RHOJ: variants seen among roughly 807,000 people sequenced by gnomAD.
RHOJ encodes ras homolog family member J, also known as rho-related GTP-binding protein RhoJ.
In RHOJ, 11 loss-of-function variants were observed where a neutral mutation model predicts 23.4. The ratio of observed to expected loss-of-function variants is 0.47; its 90% CI spans 0.30 to 0.78. The LOEUF (loss-of-function observed/expected upper bound fraction) is 0.78. Ranked by LOEUF, RHOJ falls within the 30% of genes least tolerant of loss-of-function variation. The pLI, the probability that RHOJ is intolerant of heterozygous loss-of-function variation, is 0.08. For missense variants in RHOJ, 254 were observed against 273.4 expected, an observed-to-expected ratio of 0.93 and a Z score of 0.50; for synonymous variants, 102 against 102.7, an observed-to-expected ratio of 0.99 and a Z score of 0.04.
At chr14:63,272,126 G>T (rs1358263433) in intron 2 of RHOJ, among the ~76,000 whole-genome samples, 1 of 152,300 alleles carries the variant, frequency 6.6e-6, no homozygotes, top group Non-Finnish European at 1.5e-5. Context: ...AAACGTTTCT[G>T]GTGGCTGAGG....
At position 63,291,373 on chromosome 14, in the gene RHOJ, C is replaced by T. The variant is rs1230120895; in HGVS notation, c.*349C>T. 2 of 305,562 alleles carry T rather than the reference C, an allele frequency of 6.5e-6. No individual in the cohort carries two copies. The highest frequency in any genetic ancestry group is 9.0e-5 in the East Asian group (1 of 11,136). The allele number at this position is 305,562 out of a possible 1,614,324, so 18.9% of individuals were successfully genotyped here. On this transcript the variant is annotated 3_prime_UTR_variant, in exon 5 of 5. Coordinates refer to ENST00000316754, the MANE Select transcript of RHOJ (RefSeq NM_020663.5). ...TGATAGGAAATCACCCCAGGGAACC[C>T]GAAAAAGAAACTTGATTCCTCTATT...
intron 4 of RHOJ, among the ~76,000 whole-genome samples, chr14:63,283,699 T>G (rs1320411804): frequency 1.3e-5 from 2 of 152,188 alleles, no homozygotes; most frequent in Non-Finnish European, 2.9e-5. Context: ...TTAGAGAGCC[T>G]GGATTGTGTC....
chr14:63,280,252 A>G (rs1881855061), intron 2 of RHOJ, among the ~76,000 whole-genome samples: 1 of 152,146 alleles, frequency 6.6e-6, no homozygotes, highest in Admixed American at 6.5e-5. Context: ...CTCAAGCTCA[A>G]GGAATCAGGT....
Position 63,291,118 on chromosome 14 carries a change from A to T in RHOJ, c.*94A>T, listed in dbSNP as rs1466992114. On this transcript the variant is annotated 3_prime_UTR_variant, in exon 5 of 5. Coordinates refer to ENST00000316754, the MANE Select transcript of RHOJ (RefSeq NM_020663.5). ...CAGCCAAAAAGGAGGGCACGACCAG[A>T]AAGGAACTCCCTTTGCACGGAGGCT... The T allele has an allele frequency of 7.0e-7, 1 of 1,426,886 alleles. No individual in the cohort carries two copies. The highest frequency in any genetic ancestry group is 9.8e-7 in the Non-Finnish European group (1 of 1,020,718). 88.4% of individuals were successfully genotyped at this position (1,426,886 alleles called of 1,614,324 possible).
At chr14:63,230,355 T>C (rs938393459) in intron 1 of RHOJ, among the ~76,000 whole-genome samples, 1 of 152,156 alleles carries the variant, frequency 6.6e-6, no homozygotes, top group Non-Finnish European at 1.5e-5. Flanking sequence ...CTTTGGTGTT[T>C]TCTAGTTTTT....
chr14:63,226,880 T>C (rs1304613791), intron 1 of RHOJ, among the ~76,000 whole-genome samples: 1 of 152,192 alleles, frequency 6.6e-6, no homozygotes, highest in Non-Finnish European at 1.5e-5. Flanking sequence ...TGTTATATAT[T>C]ACTAAGACCT....
rs1894068522 is a variant in RHOJ at position 63,204,743 on chromosome 14, A to G, written c.-127A>G. 1 of 895,638 alleles carries G rather than the reference A, an allele frequency of 1.1e-6. No individual in the cohort carries two copies. Among genetic ancestry groups the G allele is most frequent in the Admixed American group, 2.1e-5 (1 of 46,544 alleles). The allele number at this position is 895,638 out of a possible 1,614,324, so 55.5% of individuals were successfully genotyped here. ...TCCCAGCCTCGGACATGTCTGTATG[A>G]TCCAAGGTACCCAAAGTCAGACAGA... On this transcript the variant is annotated 5_prime_UTR_variant, in exon 1 of 5. The change abolishes the stop of an existing upstream ORF in the 5' untranslated region. Transcript: ENST00000316754.
intron 1 of RHOJ, among the ~76,000 whole-genome samples, chr14:63,255,036 C>A (rs927520448): frequency 3.9e-5 from 6 of 152,136 alleles, no homozygotes; most frequent in African/African-American, 1.4e-4. Context: ...AATGTTGAGG[C>A]CATGATCCCC....
chr14:63,210,409 T>C (rs745511615), intron 1 of RHOJ, among the ~76,000 whole-genome samples: 3 of 152,232 alleles, frequency 2.0e-5, no homozygotes, highest in Non-Finnish European at 4.4e-5. Context: ...ACTCCTCTAG[T>C]TCTAATATAC....
rs146484171 is a variant in RHOJ at position 63,290,875 on chromosome 14, A to G, written c.499-3A>G. 2.5e-6 allele frequency: 4 copies of G among 1,605,168 alleles called. No individual in the cohort carries two copies. The African/African-American group carries it at 5.4e-5, about 22-fold the overall frequency. On this transcript the variant is annotated splice_region_variant and splice_polypyrimidine_tract_variant and intron_variant, in intron 4 of 4. Coordinates refer to ENST00000316754, the MANE Select transcript of RHOJ (RefSeq NM_020663.5). Reference sequence around the variant, plus strand: ...TCATGCCTTTCTCTCTTTTGTGTTTAAGATCGGAGCACAGTGCTACTTGGA... The same window carrying G: ...TCATGCCTTTCTCTCTTTTGTGTTTGAGATCGGAGCACAGTGCTACTTGGA...
intron 2 of RHOJ, among the ~76,000 whole-genome samples, chr14:63,272,815 G>T (rs1895495134): frequency 6.6e-6 from 1 of 152,174 alleles, no homozygotes; most frequent in African/African-American, 2.4e-5. Context: ...CACAAGGTCA[G>T]GAGTTCAAGA....
At chr14:63,286,611 T>C (rs10145908) in intron 4 of RHOJ, among the ~76,000 whole-genome samples, 39,744 of 152,084 alleles carry the variant, frequency 0.26, 10,751 homozygotes, top group African/African-American at 0.69. Flanking sequence ...CAACATTTAA[T>C]AGTTTGGAAA....
At chr14:63,275,499 G>GT (rs528269474) in intron 2 of RHOJ, among the ~76,000 whole-genome samples, 46 of 152,210 alleles carry the variant, frequency 3.0e-4, no homozygotes, top group African/African-American at 1.1e-3. Flanking sequence ...AACTTTTCGT[G>GT]TTTCATAATC....
intron 1 of RHOJ, among the ~76,000 whole-genome samples, chr14:63,237,894 C>T (rs1894817164): frequency 6.6e-6 from 1 of 152,158 alleles, no homozygotes; most frequent in Non-Finnish European, 1.5e-5. Flanking sequence ...TTAACAAGTA[C>T]AACTTAGGTG....
Position 63,291,095 on chromosome 14 carries a change from G to T in RHOJ, c.*71G>T. ...AGCCAATCTCTGTGGCCAAGCTCCA[G>T]CCAAAAAGGAGGGCACGACCAGAAA... On this transcript the variant is annotated 3_prime_UTR_variant, in exon 5 of 5. Transcript: ENST00000316754. 2 of 1,575,820 alleles carry T rather than the reference G, an allele frequency of 1.3e-6. No homozygotes were observed. The highest frequency in any genetic ancestry group is 1.7e-6 in the Non-Finnish European group (2 of 1,150,512).
intron 1 of RHOJ, among the ~76,000 whole-genome samples, chr14:63,212,768 C>T (rs1416855530): frequency 1.3e-5 from 2 of 152,178 alleles, no homozygotes; most frequent in Non-Finnish European, 2.9e-5. Flanking sequence ...TTAAAAACAA[C>T]CAATTCATCT....
At chr14:63,244,009 A>T (rs1894931421) in intron 1 of RHOJ, among the ~76,000 whole-genome samples, 2 of 152,206 alleles carry the variant, frequency 1.3e-5, no homozygotes, top group Non-Finnish European at 2.9e-5. Context: ...CAATTGATTA[A>T]CAGTACATAT....
intron 3 of RHOJ, among the ~76,000 whole-genome samples, chr14:63,282,704 G>T (rs968655570): frequency 6.6e-6 from 1 of 151,382 alleles, no homozygotes; most frequent in East Asian, 1.9e-4. Flanking sequence ...AAAAAGATGG[G>T]TTCAAAGCCA....
intron 2 of RHOJ, among the ~76,000 whole-genome samples, chr14:63,277,802 A>C (rs1467101580): frequency 6.6e-6 from 1 of 152,186 alleles, no homozygotes; most frequent in Non-Finnish European, 1.5e-5. Flanking sequence ...TTCTTGGCTC[A>C]CGGGCCTTAC....
Sources: allele counts gnomAD v4.1 joint callset (sites outside exome capture counted in the v4.1 genomes callset), GRCh38; gene constraint gnomAD v4.1.1; transcripts MANE v1.5; gene names NCBI Gene and HGNC (gene_info 2026-07-23, HGNC 2026-07-21).